The following PLCB1 variants were observed in gnomAD, a reference collection of about 807,000 sequenced individuals.
The protein encoded by PLCB1 is 1-phosphatidylinositol 4,5-bisphosphate phosphodiesterase beta-1.
In PLCB1, 46 loss-of-function variants were observed where a neutral mutation model predicts 161.8. The observed-to-expected ratio is 0.28, with a 90% CI of 0.22 to 0.36. The LOEUF (loss-of-function observed/expected upper bound fraction) is 0.36, where lower values mean the gene tolerates loss of function less well. PLCB1 is among the 10% of genes least tolerant of loss of function. The probability of loss-of-function intolerance (pLI) is 1.00; values close to 1 mark genes in which losing one functional copy is unlikely to be tolerated. For synonymous variants in PLCB1, 517 were observed against 503.7 expected, an observed-to-expected ratio of 1.03 and a Z score of -0.35; for missense variants, 1,016 against 1,472.5, an observed-to-expected ratio of 0.69 and a Z score of 5.07.
intron 31 of PLCB1, among the ~76,000 whole-genome samples, chr20:8,833,803 A>T (rs1348963417): frequency 1.3e-5 from 2 of 152,192 alleles, no homozygotes; most frequent in Admixed American, 6.5e-5. Flanking sequence ...CTAACAACGA[A>T]TTCTGTTTCC....
chr20:8,713,172 G>C (rs533816612), intron 12 of PLCB1, among the ~76,000 whole-genome samples: 3 of 152,020 alleles, frequency 2.0e-5, no homozygotes, highest in Non-Finnish European at 4.4e-5. Context: ...TTGATTCTGA[G>C]GCAGGTTTTG....
At chr20:8,139,885 C>T (rs1377776556) in intron 1 of PLCB1, among the ~76,000 whole-genome samples, 1 of 152,138 alleles carries the variant, frequency 6.6e-6, no homozygotes, top group African/African-American at 2.4e-5. Flanking sequence ...TTTTGACGAA[C>T]ATTCTTCTTG....
chr20:8,270,373 G>A (rs1358248437), intron 2 of PLCB1, among the ~76,000 whole-genome samples: 1 of 152,068 alleles, frequency 6.6e-6, no homozygotes, highest in Non-Finnish European at 1.5e-5. Flanking sequence ...GAATTTGAAA[G>A]ATTCAAGGGA....
At chr20:8,226,797 C>G (rs1009810665) in intron 2 of PLCB1, among the ~76,000 whole-genome samples, 1 of 151,650 alleles carries the variant, frequency 6.6e-6, no homozygotes, top group African/African-American at 2.4e-5. Context: ...CAGTGATTCT[C>G]CTGCATCAGC....
At chr20:8,240,198 A>G (rs1980528618) in intron 2 of PLCB1, among the ~76,000 whole-genome samples, 1 of 151,772 alleles carries the variant, frequency 6.6e-6, no homozygotes, top group Non-Finnish European at 1.5e-5. Flanking sequence ...AACTTCCTCA[A>G]CACCTCTCAG....
rs554065082 is a variant in PLCB1, at chr20:8,564,672, G to A, written c.247-63622G>A. Reference sequence around the variant, plus strand: ...CAAACAACCCCATCAAAAAGTGGGCGATGGATATGAACAGACACTTCTCAA... The same window carrying A: ...CAAACAACCCCATCAAAAAGTGGGCAATGGATATGAACAGACACTTCTCAA... On this transcript the variant is annotated intron_variant, in intron 3 of 31. Coordinates refer to ENST00000338037, the MANE Select transcript of PLCB1 (RefSeq NM_015192.4). Among the ~76,000 whole-genome samples, 395 of 152,038 alleles carry A rather than the reference G, an allele frequency of 2.6e-3. 1 individual carries two copies. Among genetic ancestry groups the A allele is most frequent in the African/African-American group, 9.0e-3 (373 of 41,490 alleles).
intron 2 of PLCB1, among the ~76,000 whole-genome samples, chr20:8,217,157 G>A (rs1340847944): frequency 1.3e-5 from 2 of 152,060 alleles, no homozygotes; most frequent in Non-Finnish European, 2.9e-5. Context: ...CATCTCCTTT[G>A]TAAAAGCATC....
intron 3 of PLCB1, among the ~76,000 whole-genome samples, chr20:8,574,268 G>A (rs1028498837): frequency 4.6e-5 from 7 of 152,016 alleles, no homozygotes; most frequent in East Asian, 1.9e-4. Flanking sequence ...GCATGGTGGC[G>A]AGCACCTGTA....
At chr20:8,544,769 T>C (rs1009070095) in intron 3 of PLCB1, among the ~76,000 whole-genome samples, 1 of 152,208 alleles carries the variant, frequency 6.6e-6, no homozygotes, top group African/African-American at 2.4e-5. Flanking sequence ...ATGCTGAAGT[T>C]TTCCCCCAAA....
intron 9 of PLCB1, among the ~76,000 whole-genome samples, chr20:8,677,006 A>G (rs1333295469): frequency 6.6e-6 from 1 of 152,212 alleles, no homozygotes; most frequent in Non-Finnish European, 1.5e-5. Flanking sequence ...ACAAAAACAA[A>G]GCACTCCAAA....
chr20:8,610,887 G>A lies in PLCB1; in HGVS notation c.247-17407G>A, dbSNP rs545895389. On this transcript the variant is annotated intron_variant, in intron 3 of 31. Transcript: ENST00000338037. The stretch of plus-strand genomic sequence containing the variant: ...AATTTCAAGTTGATTTTTGCATATA[G>A]TGTGAGGTAAGGGTCCAAGCTCATT... 1.8e-4 allele frequency among the ~76,000 whole-genome samples: 28 copies of A among 151,932 alleles called. 1 individual carries two copies. Among genetic ancestry groups the A allele is most frequent in the Admixed American group, 3.9e-4 (6 of 15,262 alleles).
chr20:8,328,619 A>G (rs1340180754), intron 2 of PLCB1, among the ~76,000 whole-genome samples: 1 of 151,256 alleles, frequency 6.6e-6, no homozygotes, highest in Non-Finnish European at 1.5e-5. Flanking sequence ...TGAATTATAT[A>G]AACTTTACAA....
chr20:8,572,119 C>A (rs753720541), intron 3 of PLCB1, among the ~76,000 whole-genome samples: 1 of 152,078 alleles, frequency 6.6e-6, no homozygotes, highest in African/African-American at 2.4e-5. Context: ...CCATTTTAAT[C>A]ATTTAATTTA....
rs1209690436 is a variant in PLCB1 at position 8,644,870 on chromosome 20, T to C, written c.385-1232T>C. Among the ~76,000 whole-genome samples, 12 of 151,630 alleles carry C rather than the reference T, an allele frequency of 7.9e-5. No individual in the cohort carries two copies. In the East Asian group the frequency reaches 2.3e-3, roughly 29 times the overall value. On this transcript the variant is annotated intron_variant, in intron 4 of 31. Transcript: ENST00000338037. The stretch of plus-strand genomic sequence containing the variant: ...GAACGGGCCAGGATGACAATGGCGG[T>C]TTTGTGGAATAGAAAGGGGGGAAAG...
At chr20:8,710,502 C>CTTTTTTT (rs1177302486) in intron 12 of PLCB1, among the ~76,000 whole-genome samples, 1 of 71,468 alleles carries the variant, frequency 1.4e-5, no homozygotes, top group African/African-American at 5.4e-5. Flanking sequence ...CTTGAGGATG[C>CTTTTTTT]TTTTTTTTTT....
intron 2 of PLCB1, among the ~76,000 whole-genome samples, chr20:8,198,569 G>A (rs960927274): frequency 7.9e-5 from 12 of 152,036 alleles, no homozygotes; most frequent in African/African-American, 2.9e-4. Context: ...CTCACCTTTT[G>A]GGATCTTTTT....
At chr20:8,486,521 C>T (rs1437283229) in intron 3 of PLCB1, among the ~76,000 whole-genome samples, 2 of 126,098 alleles carry the variant, frequency 1.6e-5, no homozygotes, top group African/African-American at 6.4e-5. Flanking sequence ...CGGAGTCTCG[C>T]TCTGTCGCCC....
chr20:8,728,607 T>A (rs983551467), intron 17 of PLCB1, among the ~76,000 whole-genome samples: 2 of 152,058 alleles, frequency 1.3e-5, no homozygotes, highest in Non-Finnish European at 2.9e-5. Flanking sequence ...CACAATATCA[T>A]TCTTTCAAAT....
At chr20:8,624,657 A>G (rs8126070) in intron 3 of PLCB1, among the ~76,000 whole-genome samples, 21,639 of 152,120 alleles carry the variant, frequency 0.14, 1,780 homozygotes, top group Non-Finnish European at 0.18. Context: ...TACTTTCTTC[A>G]GTGGCCAATT....
Sources: gnomAD v4.1 joint callset for allele counts (sites outside exome capture counted in the v4.1 genomes callset) on GRCh38, gnomAD v4.1.1 for gene constraint, MANE v1.5 for transcripts, NCBI Gene and HGNC (gene_info 2026-07-23, HGNC 2026-07-21) for gene names.